RAB3C: variants seen among roughly 807,000 people sequenced by gnomAD.
RAB3C encodes ras-related protein Rab-3C.
In RAB3C, 17 loss-of-function variants were observed where a neutral mutation model predicts 26.4. The ratio of observed to expected loss-of-function variants is 0.64; its 90% CI spans 0.44 to 0.97. The LOEUF (loss-of-function observed/expected upper bound fraction) is 0.97, where lower values mean the gene tolerates loss of function less well. Ranked by LOEUF, RAB3C falls within the 50% of genes least tolerant of loss-of-function variation. RAB3C has a pLI of 0.00. For missense variants in RAB3C, 242 were observed against 281.9 expected (o/e 0.86, Z 1.01); for synonymous variants, 91 against 95.9 (o/e 0.95, Z 0.30).
At chr5:58,626,681 A>G (rs1747059702) in intron 2 of RAB3C, among the ~76,000 whole-genome samples, 4 of 152,220 alleles carry the variant, frequency 2.6e-5, no homozygotes, top group Admixed American at 6.5e-5. Flanking sequence ...ATGAAATAAA[A>G]TGATATTTAC....
chr5:58,704,043 C>A (rs572622119), intron 2 of RAB3C, among the ~76,000 whole-genome samples: 66 of 152,246 alleles, frequency 4.3e-4, no homozygotes, highest in African/African-American at 1.4e-3. Context: ...AAGAATTGAA[C>A]CTTTTACCCA....
At chr5:58,843,024 A>G (rs1403125727) in intron 4 of RAB3C, among the ~76,000 whole-genome samples, 3 of 152,228 alleles carry the variant, frequency 2.0e-5, no homozygotes, top group African/African-American at 7.2e-5. Context: ...GTCAGATTTT[A>G]GATCTTGTCC....
intron 2 of RAB3C, among the ~76,000 whole-genome samples, chr5:58,626,094 A>G (rs1289378433): frequency 1.3e-5 from 2 of 152,194 alleles, no homozygotes; most frequent in African/African-American, 2.4e-5. Flanking sequence ...TGTTTTCTGT[A>G]TACTTGGTTC....
intron 2 of RAB3C, among the ~76,000 whole-genome samples, chr5:58,625,882 C>A (rs1244476178): frequency 1.3e-5 from 2 of 151,552 alleles, no homozygotes; most frequent in East Asian, 3.9e-4. Flanking sequence ...ATTGGAATAC[C>A]ATAGTTTTGG....
intron 3 of RAB3C, among the ~76,000 whole-genome samples, chr5:58,813,594 A>ATATT (rs1554020391): frequency 9.4e-5 from 2 of 21,362 alleles, no homozygotes; most frequent in Non-Finnish European, 4.6e-4. Context: ...ATTTATATTT[A>ATATT]TATATATATA....
intron 1 of RAB3C, among the ~76,000 whole-genome samples, chr5:58,610,503 T>A (rs1459171058): frequency 6.6e-6 from 1 of 152,132 alleles, no homozygotes; most frequent in South Asian, 2.1e-4. Context: ...ATATTAACAA[T>A]GTTGAGTATG....
chr5:58,635,154 G>A (rs1315030954), intron 2 of RAB3C, among the ~76,000 whole-genome samples: 2 of 152,176 alleles, frequency 1.3e-5, no homozygotes, highest in Non-Finnish European at 2.9e-5. Flanking sequence ...CGTGTCCAGA[G>A]TCACAACACT....
chr5:58,640,596 G>A (rs1747394956), intron 2 of RAB3C, among the ~76,000 whole-genome samples: 1 of 152,140 alleles, frequency 6.6e-6, no homozygotes, highest in African/African-American at 2.4e-5. Flanking sequence ...ATGATGCTCA[G>A]TGCTGGTTTT....
At chr5:58,760,327 G>A (rs184825332) in intron 3 of RAB3C, among the ~76,000 whole-genome samples, 2 of 152,262 alleles carry the variant, frequency 1.3e-5, no homozygotes, top group African/African-American at 4.8e-5. Flanking sequence ...GAGAATATGA[G>A]TTCTGAAGTT....
At chr5:58,849,362 T>C (rs916035160) in intron 4 of RAB3C, among the ~76,000 whole-genome samples, 1 of 152,158 alleles carries the variant, frequency 6.6e-6, no homozygotes, top group African/African-American at 2.4e-5. Context: ...TCTGGGAAAA[T>C]CACCACAAGC....
At chr5:58,789,585 A>C (rs1742473380) in intron 3 of RAB3C, among the ~76,000 whole-genome samples, 1 of 152,156 alleles carries the variant, frequency 6.6e-6, no homozygotes, top group Admixed American at 6.5e-5. Context: ...AAGGAAGTTA[A>C]GTATCTCAGC....
At chr5:58,752,371 GACTGTGTCCCAA>G (rs1741549066) in intron 3 of RAB3C, among the ~76,000 whole-genome samples, 1 of 151,870 alleles carries the variant, frequency 6.6e-6, no homozygotes, top group South Asian at 2.1e-4. Flanking sequence ...CTCCCAGCAA[GACTGTGTCCCAA>G]AGGAACATCC....
At chr5:58,841,731 G>A (rs1743880309) in intron 4 of RAB3C, among the ~76,000 whole-genome samples, 1 of 152,124 alleles carries the variant, frequency 6.6e-6, no homozygotes, top group African/African-American at 2.4e-5. Context: ...TCTCTTCAGT[G>A]GAAAGTCCTT....
At chr5:58,588,746 A>T (rs139727068) in intron 1 of RAB3C, among the ~76,000 whole-genome samples, 1 of 151,760 alleles carries the variant, frequency 6.6e-6, no homozygotes, top group Non-Finnish European at 1.5e-5. Flanking sequence ...CTGTATCCAG[A>T]CTCTGATCTG....
intron 3 of RAB3C, among the ~76,000 whole-genome samples, chr5:58,813,778 A>AGAT (rs1219846087): frequency 6.6e-6 from 1 of 151,980 alleles, no homozygotes. Flanking sequence ...ATATTCAGTG[A>AGAT]ATGCACACAT....
chr5:58,702,126 A>G (rs1579867522), intron 2 of RAB3C, among the ~76,000 whole-genome samples: 1 of 152,122 alleles, frequency 6.6e-6, no homozygotes, highest in South Asian at 2.1e-4. Context: ...TATATTTTAC[A>G]TCATTATCTA....
In RAB3C at chr5:58,858,720, A is replaced by G. The variant is rs1020191234; in HGVS notation, c.*7369A>G. The G allele has an allele frequency of 2.6e-5, 4 of 152,208 alleles. No individual in the cohort carries two copies. The highest frequency in any genetic ancestry group is 9.6e-5 in the African/African-American group (4 of 41,470). The allele number at this position is 152,208 out of a possible 1,614,324, so 9.4% of individuals were successfully genotyped here. On this transcript the variant is annotated 3_prime_UTR_variant, in exon 5 of 5. Coordinates refer to ENST00000282878, the MANE Select transcript of RAB3C (RefSeq NM_138453.4). ...ATCAGCTATAGATCATTGTTTTCTTAAGACAGCCAAACTGGCCCTTTGAAA... is the reference window on the plus strand; with the variant it reads ...ATCAGCTATAGATCATTGTTTTCTTGAGACAGCCAAACTGGCCCTTTGAAA...
chr5:58,677,849 GGAAATGAATACAGTTCCTGT>G (rs1243530810), intron 2 of RAB3C, among the ~76,000 whole-genome samples: 1 of 152,168 alleles, frequency 6.6e-6, no homozygotes, highest in Admixed American at 6.5e-5. Context: ...GTTTATTGAA[GGAAATGAATACAGTTCCTGT>G]GACATATCTT....
chr5:58,687,568 T>C (rs1748471214), intron 2 of RAB3C, among the ~76,000 whole-genome samples: 1 of 152,136 alleles, frequency 6.6e-6, no homozygotes, highest in African/African-American at 2.4e-5. Context: ...TTAGGAACTA[T>C]TAATTATATG....
Sources: gnomAD v4.1 joint callset for allele counts (sites outside exome capture counted in the v4.1 genomes callset) on GRCh38, gnomAD v4.1.1 for gene constraint, MANE v1.5 for transcripts, NCBI Gene and HGNC (gene_info 2026-07-23, HGNC 2026-07-21) for gene names.